Variants in PLD5 observed in about 807,000 individuals in gnomAD.
PLD5 encodes inactive phospholipase D5.
PLD5 carries 36 observed loss-of-function variants against 61.1 expected under a neutral mutation model. That is an observed-to-expected ratio of 0.59 (90% CI 0.45 to 0.78). The LOEUF (loss-of-function observed/expected upper bound fraction) is 0.78, where lower values mean the gene tolerates loss of function less well. Ranked by LOEUF, PLD5 falls within the 30% of genes least tolerant of loss-of-function variation. The pLI is 0.00. For missense variants in PLD5, 515 were observed against 644.4 expected (o/e 0.80, Z 2.17); for synonymous variants, 243 against 242.8 (o/e 1.00, Z -0.01).
chr1:242,115,592 C>A (rs908673233), intron 6 of PLD5, among the ~76,000 whole-genome samples: 3 of 151,934 alleles, frequency 2.0e-5, no homozygotes, highest in Admixed American at 2.0e-4. Flanking sequence ...GCCATTTACT[C>A]CAGCATTTTC....
At chr1:242,378,025 A>T (rs1662063128) in intron 1 of PLD5, among the ~76,000 whole-genome samples, 1 of 152,220 alleles carries the variant, frequency 6.6e-6, no homozygotes, top group Non-Finnish European at 1.5e-5. Flanking sequence ...GGTATACATC[A>T]AAAAGAATGG....
rs1173517942 is a variant in PLD5 at position 242,087,177 on chromosome 1, A to C, written c.*2677T>G. Reference sequence around the variant, plus strand: ...GGGTCACTTTTCTGGCTGCCACAGAAGGACAGTGTGGCCCCATGGAGTCAC... The same window carrying C: ...GGGTCACTTTTCTGGCTGCCACAGACGGACAGTGTGGCCCCATGGAGTCAC... On this transcript the variant is annotated 3_prime_UTR_variant, in exon 10 of 10. Transcript: ENST00000536534. The C allele has an allele frequency of 1.3e-5, 2 of 152,220 alleles. No individual in the cohort carries two copies. The highest frequency in any genetic ancestry group is 4.8e-5 in the African/African-American group (2 of 41,452). The allele number at this position is 152,220 out of a possible 1,614,324, so 9.4% of individuals were successfully genotyped here.
chr1:242,130,253 C>T (rs930384427), intron 5 of PLD5, among the ~76,000 whole-genome samples: 2 of 152,014 alleles, frequency 1.3e-5, no homozygotes, highest in Non-Finnish European at 1.5e-5. Flanking sequence ...GGTTTCACCA[C>T]GTTGGCCAGG....
At chr1:242,393,216 A>ATATATGAG (rs1379245222) in intron 1 of PLD5, among the ~76,000 whole-genome samples, 3 of 87,790 alleles carry the variant, frequency 3.4e-5, no homozygotes, top group Non-Finnish European at 4.6e-5. Context: ...AAATATATAT[A>ATATATGAG]TATATATGAG....
At chr1:242,196,634 T>C (rs931931015) in intron 5 of PLD5, among the ~76,000 whole-genome samples, 2 of 152,174 alleles carry the variant, frequency 1.3e-5, no homozygotes, top group African/African-American at 4.8e-5. Context: ...TCACAATATA[T>C]TGATTACAAT....
chr1:242,483,605 T>C (rs1477758839), intron 1 of PLD5, among the ~76,000 whole-genome samples: 1 of 152,150 alleles, frequency 6.6e-6, no homozygotes, highest in African/African-American at 2.4e-5. Flanking sequence ...CACACAGTAA[T>C]AATGGGAGAC....
intron 1 of PLD5, among the ~76,000 whole-genome samples, chr1:242,381,295 G>A (rs975102335): frequency 2.0e-5 from 3 of 152,092 alleles, no homozygotes; most frequent in African/African-American, 7.2e-5. Flanking sequence ...AACTAACTCA[G>A]GAAAAGAAAA....
chr1:242,302,388 T>C lies in PLD5; in HGVS notation c.327-13858A>G, dbSNP rs143820138. 6.6e-3 allele frequency among the ~76,000 whole-genome samples: 1,013 copies of C among 152,342 alleles called. 12 individuals carry two copies. Among genetic ancestry groups the C allele is most frequent in the African/African-American group, 0.023 (957 of 41,582 alleles). ...ATGTATTGTTATTTACTGAAGATGC[T>C]ATGTAAGCCAGAGTTAGAAGTCACC... On this transcript the variant is annotated intron_variant, in intron 2 of 9. Coordinates refer to ENST00000536534, the MANE Select transcript of PLD5 (RefSeq NM_001372062.1).
In PLD5 at chr1:242,126,723, G is replaced by T. The variant is rs539505094; in HGVS notation, c.736-2058C>A. 2.6e-5 allele frequency among the ~76,000 whole-genome samples: 4 copies of T among 152,152 alleles called. No individual in the cohort carries two copies. The South Asian group carries it at 8.3e-4, about 32-fold the overall frequency. ...ACAAAGATTCTAGAACATAACACTG[G>T]AAAAACCCTTCTAGACATTGGCTTA... On this transcript the variant is annotated intron_variant, in intron 5 of 9. Coordinates refer to ENST00000536534, the MANE Select transcript of PLD5 (RefSeq NM_001372062.1).
At chr1:242,132,292 G>T (rs768474273) in intron 5 of PLD5, among the ~76,000 whole-genome samples, 21 of 144,238 alleles carry the variant, frequency 1.5e-4, no homozygotes, top group Admixed American at 3.6e-4. Flanking sequence ...GGAAACCAGC[G>T]CGGGTGTCTG....
rs190849639 is a variant in PLD5 at position 242,255,549 on chromosome 1, T to C, written c.607+9788A>G. ...CCAACATGGCATGTGTATACATATG[T>C]AAATAACCTGCACGTTGTGCACATG... On this transcript the variant is annotated intron_variant, in intron 4 of 9. Coordinates refer to ENST00000536534, the MANE Select transcript of PLD5 (RefSeq NM_001372062.1). Among the ~76,000 whole-genome samples, 86 of 152,338 alleles carry C rather than the reference T, an allele frequency of 5.6e-4. No homozygotes were observed. In the East Asian group the frequency reaches 0.015, roughly 27 times the overall value.
At position 242,524,463 on chromosome 1, in the gene PLD5, C is replaced by G. The variant is rs969779125; in HGVS notation, c.-187G>C. 3.4e-6 allele frequency: 1 copy of G among 292,278 alleles called. No homozygotes were observed. The highest frequency in any genetic ancestry group is 2.5e-5 in the African/African-American group (1 of 40,216). The allele number at this position is 292,278 out of a possible 1,614,324, so 18.1% of individuals were successfully genotyped here. A position where few individuals can be genotyped will look rare whatever the true frequency, so the allele number is the denominator to read the frequency against. The stretch of plus-strand genomic sequence containing the variant: ...GCTGAGCGCCAGCTGGGAGCGCGGC[C>G]GGGCGGGAGGGGGCGATCGCGGGAG... On this transcript the variant is annotated 5_prime_UTR_variant, in exon 1 of 10. Transcript: ENST00000536534.
At chr1:242,436,251 G>T (rs940395863) in intron 1 of PLD5, among the ~76,000 whole-genome samples, 3 of 151,944 alleles carry the variant, frequency 2.0e-5, no homozygotes, top group Non-Finnish European at 4.4e-5. Flanking sequence ...CATTTCTTTC[G>T]TAGGTCTTAT....
chr1:242,304,689 C>T (rs868768057), intron 2 of PLD5, among the ~76,000 whole-genome samples: 4 of 152,068 alleles, frequency 2.6e-5, no homozygotes, highest in African/African-American at 4.8e-5. Flanking sequence ...TTTTAAAATC[C>T]GGTATTTTTT....
chr1:242,097,014 C>T (rs1318491929), intron 9 of PLD5, among the ~76,000 whole-genome samples: 1 of 151,276 alleles, frequency 6.6e-6, no homozygotes. Flanking sequence ...GTTTTTTGTC[C>T]TTGTGATAGT....
chr1:242,147,333 C>T (rs1558271380), intron 5 of PLD5, among the ~76,000 whole-genome samples: 1 of 152,168 alleles, frequency 6.6e-6, no homozygotes, highest in East Asian at 1.9e-4. Flanking sequence ...TGCTGTTGTG[C>T]AAAACAGTAG....
intron 5 of PLD5, 32 bp from the exon 6 acceptor site, chr1:242,124,697 ATG>A: frequency 1.3e-6 from 2 of 1,558,356 alleles, no homozygotes; most frequent in Non-Finnish European, 8.8e-7. Flanking sequence ...CATCAATGCC[ATG>A]TGTGTCTTTT....
chr1:242,503,015 C>T (rs972465163), intron 1 of PLD5, among the ~76,000 whole-genome samples: 4 of 152,176 alleles, frequency 2.6e-5, no homozygotes, highest in African/African-American at 9.7e-5. Context: ...GAGCCAAGAT[C>T]ATGCCACTAC....
intron 5 of PLD5, among the ~76,000 whole-genome samples, chr1:242,138,651 C>G (rs993567223): frequency 1.3e-5 from 2 of 152,148 alleles, no homozygotes; most frequent in Non-Finnish European, 2.9e-5. Context: ...ATCCAGCATG[C>G]AAATTATAAA....
Sources: allele counts gnomAD v4.1 joint callset (sites outside exome capture counted in the v4.1 genomes callset), GRCh38; gene constraint gnomAD v4.1.1; transcripts MANE v1.5; gene names NCBI Gene and HGNC (gene_info 2026-07-23, HGNC 2026-07-21).